FOXK1: variants seen among roughly 807,000 people sequenced by gnomAD.
The protein encoded by FOXK1 is forkhead box protein K1.
A neutral mutation model predicts 51.9 loss-of-function variants in FOXK1; 19 were observed. The observed-to-expected ratio is 0.37, with a 90% CI of 0.26 to 0.54. The LOEUF (loss-of-function observed/expected upper bound fraction) is 0.54. Ranked by LOEUF, FOXK1 falls within the 20% of genes least tolerant of loss-of-function variation. The pLI is 0.87. For synonymous variants in FOXK1, 537 were observed against 482.6 expected (o/e 1.11, Z -1.48); for missense variants, 870 against 1,032.7 (o/e 0.84, Z 2.16).
intron 1 of FOXK1, among the ~76,000 whole-genome samples, chr7:4,688,706 C>G (rs1052596618): frequency 1.3e-5 from 2 of 152,130 alleles, no homozygotes; most frequent in Admixed American, 6.6e-5. Flanking sequence ...CATGGAGTCA[C>G]TTGTCCTGTG....
chr7:4,714,694 C>T (rs776015775), intron 1 of FOXK1, among the ~76,000 whole-genome samples: 2 of 152,158 alleles, frequency 1.3e-5, no homozygotes, highest in Non-Finnish European at 2.9e-5. Context: ...TTTTGGCTTA[C>T]GTATTTTCTA....
At chr7:4,714,056 C>A (rs1780206376) in intron 1 of FOXK1, among the ~76,000 whole-genome samples, 1 of 152,088 alleles carries the variant, frequency 6.6e-6, no homozygotes, top group African/African-American at 2.4e-5. Context: ...GAACTCCTGA[C>A]CTCGGGTGAT....
At position 4,764,627 on chromosome 7, in the gene FOXK1, C is replaced by T. The variant is rs1780985159; in HGVS notation, c.*2163C>T. The T allele has an allele frequency of 6.5e-6, 1 of 152,874 alleles. No homozygotes were observed. Among genetic ancestry groups the T allele is most frequent in the Non-Finnish European group, 1.5e-5 (1 of 68,646 alleles). The allele number at this position is 152,874 out of a possible 1,614,324, so 9.5% of individuals were successfully genotyped here. On this transcript the variant is annotated 3_prime_UTR_variant, in exon 9 of 9. Transcript: ENST00000328914. ...CCTGTGTGGCCTGAGCCGGCGCCCT[C>T]CCGGGAGCGCCCGTCACGGGGGGCC...
At chr7:4,736,409 G>GT (rs1254384892) in intron 1 of FOXK1, among the ~76,000 whole-genome samples, 41 of 146,700 alleles carry the variant, frequency 2.8e-4, no homozygotes, top group African/African-American at 4.3e-4. Context: ...TCTAGAATCA[G>GT]TTTTGTTTTT....
intron 1 of FOXK1, among the ~76,000 whole-genome samples, chr7:4,685,073 G>A (rs539337674): frequency 1.3e-5 from 2 of 151,894 alleles, no homozygotes; most frequent in Admixed American, 6.6e-5. Context: ...GGCCCACTGC[G>A]CCTGTCTGTT....
rs1452377076 is a variant in FOXK1 at position 4,755,746 on chromosome 7, T to A, written c.1050+363T>A. The stretch of plus-strand genomic sequence containing the variant: ...ACCCTGTGTCTACAAAGAAAAAAAA[T>A]ATCTTTTTAACTAAGAAGATAAATA... On this transcript the variant is annotated intron_variant, in intron 4 of 8. Transcript: ENST00000328914. The surrounding 1 kb of genome is among the most constrained non-coding windows in gnomAD (Gnocchi z 6.6). Among the ~76,000 whole-genome samples, 1 of 152,110 alleles carries A rather than the reference T, an allele frequency of 6.6e-6. No homozygotes were observed. The highest frequency in any genetic ancestry group is 2.4e-5 in the African/African-American group (1 of 41,428).
Position 4,735,512 on chromosome 7 carries a change from CT to C in FOXK1, c.561-5325del, listed in dbSNP as rs1325414106. ...AGCTCTTAGTCATTCTCCGTCCCCCCTGCCTGTCCCACCCGTCACTCCAGCC... is the reference window on the plus strand; with the variant it reads ...AGCTCTTAGTCATTCTCCGTCCCCCCGCCTGTCCCACCCGTCACTCCAGCC... On this transcript the variant is annotated intron_variant, in intron 1 of 8. Transcript: ENST00000328914. The surrounding 1 kb of genome is among the most constrained non-coding windows in gnomAD (Gnocchi z 4.7). Among the ~76,000 whole-genome samples the C allele has an allele frequency of 1.3e-5, 2 of 152,196 alleles. No individual in the cohort carries two copies. Among genetic ancestry groups the C allele is most frequent in the African/African-American group, 2.4e-5 (1 of 41,444 alleles).
chr7:4,754,348 T>C, intron 2 of FOXK1, 111 bp from the exon 3 acceptor site: 1 of 1,262,630 alleles, frequency 7.9e-7, no homozygotes, highest in Non-Finnish European at 1.1e-6. Flanking sequence ...AATTGGAAAG[T>C]GTGAGCTTCT....
At chr7:4,714,404 G>A (rs529775347) in intron 1 of FOXK1, among the ~76,000 whole-genome samples, 88 of 152,192 alleles carry the variant, frequency 5.8e-4, no homozygotes, top group Non-Finnish European at 9.6e-4. Flanking sequence ...TCAGCCTCCC[G>A]AGTAGCTGGG....
chr7:4,693,845 C>T (rs975623418), intron 1 of FOXK1, among the ~76,000 whole-genome samples: 1 of 151,506 alleles, frequency 6.6e-6, no homozygotes, highest in Non-Finnish European at 1.5e-5. Flanking sequence ...CAGGTGTGAG[C>T]CACCTCATCT....
rs1780537371 is a variant in FOXK1, at chr7:4,735,242, C to G, written c.561-5596C>G. ...ATCTCCAACCAAGTCACCAGTTTGG[C>G]CCAACTTCCAGGAGCCATCAGCTTC... On this transcript the variant is annotated intron_variant, in intron 1 of 8. Coordinates refer to ENST00000328914, the MANE Select transcript of FOXK1 (RefSeq NM_001037165.2). The surrounding 1 kb of genome is among the most constrained non-coding windows in gnomAD (Gnocchi z 4.7). 2.0e-5 allele frequency among the ~76,000 whole-genome samples: 3 copies of G among 152,106 alleles called. No individual in the cohort carries two copies. In the South Asian group the frequency reaches 6.2e-4, roughly 32 times the overall value.
Position 4,759,114 on chromosome 7 carries a change from C to A in FOXK1, c.1308C>A (p.Thr436=), listed in dbSNP as rs776720725. The change falls in exon 6 of 9, where the codon ACC becomes ACA. Residue 436 remains threonine (T), a synonymous_variant. Coordinates refer to ENST00000328914, the MANE Select transcript of FOXK1 (RefSeq NM_001037165.2). ...CCCCTCGCTCCGGCGGCCTGCAGACCCCAGAGTGCCTGTCTCGGGAGGGCT... is the reference window on the plus strand; with the variant it reads ...CCCCTCGCTCCGGCGGCCTGCAGACACCAGAGTGCCTGTCTCGGGAGGGCT... ...LMSPRSGGLQ[T]PECLSREGSP... The A allele has an allele frequency of 1.2e-6, 2 of 1,611,834 alleles. No individual in the cohort carries two copies. The highest frequency in any genetic ancestry group is 2.2e-5 in the South Asian group (2 of 91,092).
intron 3 of FOXK1, 62 bp downstream of exon 3, chr7:4,754,677 G>A: frequency 6.5e-7 from 1 of 1,540,898 alleles, no homozygotes; most frequent in South Asian, 1.2e-5. Context: ...TAGTGACCCG[G>A]CGCGGGCGGC....
chr7:4,712,034 T>C (rs555162282), intron 1 of FOXK1, among the ~76,000 whole-genome samples: 15 of 150,788 alleles, frequency 9.9e-5, no homozygotes, highest in Admixed American at 7.3e-4. Flanking sequence ...TTCTTTGATA[T>C]TCAGAGGTGG....
rs1780891980 is a variant in FOXK1, at chr7:4,758,956, G to T, written c.1245-95G>T. 1.5e-6 allele frequency: 2 copies of T among 1,339,642 alleles called. No homozygotes were observed. The highest frequency in any genetic ancestry group is 2.9e-5 in the African/African-American group (2 of 68,304). 83.0% of individuals were successfully genotyped at this position (1,339,642 alleles called of 1,614,324 possible). A position where few individuals can be genotyped will look rare whatever the true frequency, so the allele number is the denominator to read the frequency against. On this transcript the variant is annotated intron_variant, in intron 5 of 8. Transcript: ENST00000328914. The surrounding 1 kb of genome is among the most constrained non-coding windows in gnomAD (Gnocchi z 4.4). ...ACAGAGACGAGCTCCAGGGAGCGTGGGCGGGTGACGGCGCTGAGATGCGTG... is the reference window on the plus strand; with the variant it reads ...ACAGAGACGAGCTCCAGGGAGCGTGTGCGGGTGACGGCGCTGAGATGCGTG...
chr7:4,727,181 G>GCCTCAAGTGAT (rs1238525348), intron 1 of FOXK1, among the ~76,000 whole-genome samples: 6 of 151,962 alleles, frequency 3.9e-5, no homozygotes, highest in Non-Finnish European at 7.4e-5. Flanking sequence ...TGCACTCCTG[G>GCCTCAAGTGAT]CCTCAAGTGA....
intron 1 of FOXK1, among the ~76,000 whole-genome samples, chr7:4,710,304 G>A (rs1780158429): frequency 6.6e-6 from 1 of 152,184 alleles, no homozygotes; most frequent in African/African-American, 2.4e-5. Context: ...CCAGCACCTT[G>A]GGAGGCTAAG....
At position 4,731,057 on chromosome 7, in the gene FOXK1, A is replaced by C. The variant is rs1351525989; in HGVS notation, c.561-9781A>C. Among the ~76,000 whole-genome samples the C allele has an allele frequency of 6.6e-6, 1 of 152,198 alleles. No homozygotes were observed. The highest frequency in any genetic ancestry group is 1.5e-5 in the Non-Finnish European group (1 of 68,042). ...CTTATTTCTCGGAGGAGTTTAAGCA[A>C]ACACTGCAGGGCCTCCGGCATTCCA... is the stretch of plus-strand genomic sequence containing the variant. On this transcript the variant is annotated intron_variant, in intron 1 of 8. Coordinates refer to ENST00000328914, the MANE Select transcript of FOXK1 (RefSeq NM_001037165.2). This position sits in a 1 kb window ranked among gnomAD's most constrained non-coding sequence, Gnocchi z 5.3.
At chr7:4,710,726 G>A (rs1349494266) in intron 1 of FOXK1, among the ~76,000 whole-genome samples, 4 of 152,182 alleles carry the variant, frequency 2.6e-5, no homozygotes, top group Non-Finnish European at 5.9e-5. Flanking sequence ...GGGCGAGGGT[G>A]CGGTGGTGGC....
Sources: gnomAD v4.1 joint callset for allele counts (sites outside exome capture counted in the v4.1 genomes callset) on GRCh38, gnomAD v4.1.1 for gene constraint, Gnocchi (gnomAD v3.1) non-coding constraint, MANE v1.5 for transcripts, NCBI Gene and HGNC (gene_info 2026-07-23, HGNC 2026-07-21) for gene names.